Variants in NEXMIF observed in about 807,000 individuals in gnomAD.
NEXMIF encodes the protein neurite extension and migration factor.
A neutral mutation model predicts 62.1 loss-of-function variants in NEXMIF; 8 were observed. The ratio of observed to expected loss-of-function variants is 0.13; its 90% CI spans 0.08 to 0.23. The LOEUF (loss-of-function observed/expected upper bound fraction) is 0.23, where lower values mean the gene tolerates loss of function less well. Among genes scored for constraint, NEXMIF ranks in the 10% least tolerant of loss-of-function variants. The pLI is 1.00. For synonymous variants in NEXMIF, 404 were observed against 416.6 expected (o/e 0.97, Z 0.37); for missense variants, 976 against 1,113.3 (o/e 0.88, Z 1.75).
intron 1 of NEXMIF, among the ~76,000 whole-genome samples, chrX:74,877,153 C>A (rs181510598): frequency 9.0e-6 from 1 of 111,315 alleles, no homozygotes; most frequent in Non-Finnish European, 1.9e-5. Flanking sequence ...CCATGTTTAG[C>A]GCTTCCTTCA....
intron 1 of NEXMIF, among the ~76,000 whole-genome samples, chrX:74,916,093 G>A (rs1292999488): frequency 8.9e-6 from 1 of 111,893 alleles, no homozygotes; most frequent in Non-Finnish European, 1.9e-5. Context: ...CAATTCATTA[G>A]TCAGAATCAA....
chrX:74,819,522 C>T (rs1313695693), intron 1 of NEXMIF, among the ~76,000 whole-genome samples: 7 of 111,515 alleles, frequency 6.3e-5, no homozygotes, highest in African/African-American at 2.3e-4. Context: ...AAAAAGGGAG[C>T]GAAGGATATG....
intron 1 of NEXMIF, among the ~76,000 whole-genome samples, chrX:74,854,477 T>A (rs1434772365): frequency 8.9e-6 from 1 of 111,879 alleles, no homozygotes; most frequent in Non-Finnish European, 1.9e-5. Context: ...GGTAATGATA[T>A]GGGGAAAAGC....
At chrX:74,924,022 G>A (rs994629719) in intron 1 of NEXMIF, among the ~76,000 whole-genome samples, 5 of 111,881 alleles carry the variant, frequency 4.5e-5, no homozygotes, top group Admixed American at 1.9e-4. Context: ...ACCTTGCGCG[G>A]GTGATTCGGT....
At chrX:74,824,950 G>A (rs540461141) in intron 1 of NEXMIF, among the ~76,000 whole-genome samples, 4 of 111,109 alleles carry the variant, frequency 3.6e-5, no homozygotes, top group African/African-American at 1.3e-4. Flanking sequence ...GCCCGGCCTA[G>A]TTTTTTAAGG....
At chrX:74,775,896 C>G (rs766464725) in intron 1 of NEXMIF, among the ~76,000 whole-genome samples, 8 of 111,474 alleles carry the variant, frequency 7.2e-5, no homozygotes, top group Non-Finnish European at 1.5e-4. Flanking sequence ...ACCTTAGAGC[C>G]AATGATCTCC....
Position 74,744,564 on chromosome X carries a change from G to T in NEXMIF, c.80-87C>A, listed in dbSNP as rs1031088497. The stretch of plus-strand genomic sequence containing the variant: ...CTCTCTTTCCCTTGATCAGTTTCTG[G>T]TACTTGATCTTATTATATAAGCTAA... On this transcript the variant is annotated intron_variant, in intron 2 of 3. Transcript: ENST00000055682. 1.9e-5 allele frequency: 12 copies of T among 640,300 alleles called. No homozygotes were observed. The African/African-American group carries it at 2.7e-4, about 14-fold the overall frequency. 52.8% of individuals were successfully genotyped at this position (640,300 alleles called of 1,213,427 possible). A position where few individuals can be genotyped will look rare whatever the true frequency, so the allele number is the denominator to read the frequency against.
intron 1 of NEXMIF, among the ~76,000 whole-genome samples, chrX:74,843,758 G>A (rs1050621341): frequency 1.8e-5 from 2 of 112,013 alleles, no homozygotes; most frequent in Admixed American, 9.5e-5. Flanking sequence ...TGCCTTTTAA[G>A]TTGGGCATTT....
At chrX:74,877,483 C>A (rs189624083) in intron 1 of NEXMIF, among the ~76,000 whole-genome samples, 1 of 110,917 alleles carries the variant, frequency 9.0e-6, no homozygotes, top group Admixed American at 9.7e-5. Flanking sequence ...AGTTGCTCTT[C>A]TCGAGGAGTA....
chrX:74,740,527 G>A lies in NEXMIF; in HGVS notation c.4030C>T (p.Pro1344Ser). Reference protein sequence around the residue: ...MMASIEPLWEPMEHHGDPNIF... With the variant: ...MMASIEPLWESMEHHGDPNIF... ...TTGGGATCCCCATGGTGCTCCATGG[G>A]TTCCCAAAGGGGCTCTATGGAGGCC... is the stretch of plus-strand genomic sequence containing the variant. The change falls in exon 3 of 4, where the codon CCC (proline) becomes TCC (serine). Residue 1344 changes from proline (P) to serine (S), a missense_variant. Around this residue, in one of 5 missense-constraint regions of NEXMIF, gnomAD observed 29 missense variants for 56.5 expected, o/e 0.51. Transcript: ENST00000055682. The A allele has an allele frequency of 1.7e-6, 2 of 1,211,469 alleles. No homozygotes were observed. Among genetic ancestry groups the A allele is most frequent in the Non-Finnish European group, 2.2e-6 (2 of 895,165 alleles).
intron 1 of NEXMIF, among the ~76,000 whole-genome samples, chrX:74,860,048 A>G (rs1466028922): frequency 7.2e-5 from 8 of 111,461 alleles, no homozygotes; most frequent in Non-Finnish European, 1.1e-4. Context: ...ATTGATAATA[A>G]CATTGACTGT....
At chrX:74,757,523 T>TAG (rs1270147159) in intron 1 of NEXMIF, among the ~76,000 whole-genome samples, 1 of 112,127 alleles carries the variant, frequency 8.9e-6, no homozygotes, top group Non-Finnish European at 1.9e-5. Context: ...CTCCATGGAA[T>TAG]AGAGACTCTT....
chrX:74,739,739 A>G (rs1281275892), intron 3 of NEXMIF, among the ~76,000 whole-genome samples: 1 of 110,256 alleles, frequency 9.1e-6, no homozygotes, highest in Non-Finnish European at 1.9e-5. Flanking sequence ...TTTAAATTCT[A>G]TTTTTCAAAA....
chrX:74,875,828 A>T (rs2080629396), intron 1 of NEXMIF, among the ~76,000 whole-genome samples: 1 of 110,945 alleles, frequency 9.0e-6, no homozygotes, highest in Admixed American at 9.6e-5. Context: ...TTTCTGTGGG[A>T]TCGGTGGTGA....
chrX:74,877,536 C>T (rs1602261623), intron 1 of NEXMIF, among the ~76,000 whole-genome samples: 2 of 111,237 alleles, frequency 1.8e-5, no homozygotes, highest in South Asian at 7.5e-4. Flanking sequence ...GAACGTTGGC[C>T]TGCCTTGCTA....
intron 1 of NEXMIF, among the ~76,000 whole-genome samples, chrX:74,905,621 C>A (rs967764834): frequency 2.7e-5 from 3 of 110,906 alleles, no homozygotes; most frequent in Non-Finnish European, 5.7e-5. Flanking sequence ...ACCAGCCTGG[C>A]CAACATGGTA....
At chrX:74,788,785 A>C (rs754063656) in intron 1 of NEXMIF, among the ~76,000 whole-genome samples, 20 of 110,135 alleles carry the variant, frequency 1.8e-4, no homozygotes, top group Non-Finnish European at 3.8e-4. Flanking sequence ...TGTGGCTAGA[A>C]TATCCCTTTG....
At chrX:74,825,394 C>A (rs1321545193) in intron 1 of NEXMIF, among the ~76,000 whole-genome samples, 2 of 110,904 alleles carry the variant, frequency 1.8e-5, no homozygotes, top group Non-Finnish European at 1.9e-5. Flanking sequence ...CCACCCCCCA[C>A]CATCTGGAAG....
intron 1 of NEXMIF, among the ~76,000 whole-genome samples, chrX:74,777,971 C>T (rs974556952): frequency 1.8e-5 from 2 of 111,548 alleles, no homozygotes; most frequent in Non-Finnish European, 3.8e-5. Flanking sequence ...CACTCTCTAT[C>T]CCAAGCCCCT....
Sources: gnomAD v4.1 joint callset for allele counts (sites outside exome capture counted in the v4.1 genomes callset) on GRCh38, gnomAD v4.1.1 for gene constraint, gnomAD v4.1.1 regional missense constraint, MANE v1.5 for transcripts, NCBI Gene and HGNC (gene_info 2026-07-23, HGNC 2026-07-21) for gene names.